The following ADAM7 variants were observed in gnomAD, a reference collection of about 807,000 sequenced individuals.
The protein encoded by ADAM7 is ADAM metallopeptidase domain 7.
ADAM7 carries 97 observed loss-of-function variants against 102.9 expected under a neutral mutation model. The ratio of observed to expected loss-of-function variants is 0.94; its 90% CI spans 0.80 to 1.12. ADAM7 has a LOEUF of 1.12. Among genes scored for constraint, ADAM7 ranks in the 50% most tolerant of loss-of-function variants. The pLI, the probability that ADAM7 is intolerant of heterozygous loss-of-function variation, is 0.00. For missense variants in ADAM7, 991 were observed against 908.7 expected (o/e 1.09, Z -1.16); for synonymous variants, 334 against 304.4 (o/e 1.10, Z -1.01).
intron 12 of ADAM7, 60 bp from the exon 13 acceptor site, chr8:24,490,739 C>G: frequency 1.3e-6 from 2 of 1,518,004 alleles, no homozygotes; most frequent in Non-Finnish European, 1.8e-6. Flanking sequence ...CTAATTAATT[C>G]TTCAAACAGG....
intron 6 of ADAM7, among the ~76,000 whole-genome samples, chr8:24,467,827 G>A (rs1251953007): frequency 6.6e-6 from 1 of 152,130 alleles, no homozygotes; most frequent in Non-Finnish European, 1.5e-5. Flanking sequence ...CACTTTGGGA[G>A]GCTGAGGCGG....
chr8:24,505,278 A>G (rs1171000916), intron 20 of ADAM7, among the ~76,000 whole-genome samples: 1 of 152,130 alleles, frequency 6.6e-6, no homozygotes, highest in African/African-American at 2.4e-5. Flanking sequence ...CGTAGGACAT[A>G]TTTGTTATGA....
chr8:24,482,441 T>C, intron 9 of ADAM7, 130 bp downstream of exon 9: 2 of 900,870 alleles, frequency 2.2e-6, no homozygotes, highest in Non-Finnish European at 3.4e-6. Flanking sequence ...CAAAATGTTA[T>C]TTGTAGCTAC....
At chr8:24,458,676 C>T (rs1413594479) in intron 3 of ADAM7, among the ~76,000 whole-genome samples, 1 of 151,966 alleles carries the variant, frequency 6.6e-6, no homozygotes, top group African/African-American at 2.4e-5. Context: ...TGGCTAGGAC[C>T]TTCATTACAA....
chr8:24,466,785 C>T lies in ADAM7; in HGVS notation c.390-14C>T, dbSNP rs1819440487. 1 of 1,605,556 alleles carries T rather than the reference C, an allele frequency of 6.2e-7. No individual in the cohort carries two copies. Among genetic ancestry groups the T allele is most frequent in the South Asian group, 1.1e-5 (1 of 89,310 alleles). The stretch of plus-strand genomic sequence containing the variant: ...ATAGGCCTTGAATACAAATTGTGTT[C>T]CCAATTTCTACAGGGGATTCTTCAG... On this transcript the variant is annotated splice_polypyrimidine_tract_variant and intron_variant, in intron 5 of 21. Coordinates refer to ENST00000175238, the MANE Select transcript of ADAM7 (RefSeq NM_003817.4).
At chr8:24,492,135 G>T in intron 14 of ADAM7, 37 bp downstream of exon 14, 3 of 1,578,814 alleles carry the variant, frequency 1.9e-6, no homozygotes, top group Non-Finnish European at 2.6e-6. Context: ...CACACAGATG[G>T]TGGCCTCTAT....
At position 24,507,517 on chromosome 8, in the gene ADAM7, C is replaced by A; in HGVS notation, c.2246C>A (p.Pro749His). 3 of 1,612,624 alleles carry A rather than the reference C, an allele frequency of 1.9e-6. No homozygotes were observed. Among genetic ancestry groups the A allele is most frequent in the South Asian group, 1.1e-5 (1 of 91,036 alleles). ...AAAGATTCAAGAGGAATCGCAGATC[C>A]CAATCAAAGTGCCAAGTGGTAGGTT... ...ASKDSRGIADPNQSAK is the reference protein window; with the variant it reads ...ASKDSRGIADHNQSAK Residue 749 changes from proline (P) to histidine (H), a missense_variant, in exon 21 of 22, where the codon CCC becomes CAC. Transcript: ENST00000175238.
At chr8:24,443,139 T>C (rs1818431402) in intron 2 of ADAM7, among the ~76,000 whole-genome samples, 1 of 152,214 alleles carries the variant, frequency 6.6e-6, no homozygotes. Flanking sequence ...TCCACTGTTA[T>C]AAAAGACATT....
At chr8:24,462,396 G>A (rs1238305752) in intron 3 of ADAM7, among the ~76,000 whole-genome samples, 1 of 152,136 alleles carries the variant, frequency 6.6e-6, no homozygotes, top group Non-Finnish European at 1.5e-5. Flanking sequence ...TTTCAAATAA[G>A]AACAACTGTG....
intron 3 of ADAM7, among the ~76,000 whole-genome samples, chr8:24,450,441 G>A (rs1563373146): frequency 6.6e-6 from 1 of 151,898 alleles, no homozygotes; most frequent in Admixed American, 6.5e-5. Context: ...TCATGATTTG[G>A]CTCTCTGTTT....
At chr8:24,492,967 G>A (rs1423313980) in intron 15 of ADAM7, 76 bp from the exon 16 acceptor site, 11 of 1,394,650 alleles carry the variant, frequency 7.9e-6, no homozygotes, top group South Asian at 3.1e-5. Context: ...AAGAGTGACC[G>A]GGAGGCTCCA....
chr8:24,460,420 G>A (rs1222341653), intron 3 of ADAM7, among the ~76,000 whole-genome samples: 3 of 151,792 alleles, frequency 2.0e-5, no homozygotes, highest in Admixed American at 1.3e-4. Flanking sequence ...GTTATGATTG[G>A]CATGGTTGGA....
chr8:24,506,157 G>A (rs111958351), intron 20 of ADAM7: 5 of 1,548,326 alleles, frequency 3.2e-6, no homozygotes, highest in Non-Finnish European at 4.4e-6. Flanking sequence ...CATCACACTG[G>A]TACGTTCCCC....
Position 24,506,753 on chromosome 8 carries a change from GCACACACACACA to G in ADAM7, c.2209-700_2209-689del, listed in dbSNP as rs71549838. Among the ~76,000 whole-genome samples the G allele has an allele frequency of 1.3e-3, 181 of 144,292 alleles. 6 individuals carry two copies. The East Asian group carries it at 0.024, about 19-fold the overall frequency. 94.7% of individuals were successfully genotyped at this position (144,292 alleles called of 152,430 possible). A position where few individuals can be genotyped will look rare whatever the true frequency, so the allele number is the denominator to read the frequency against. Reference sequence around the variant, plus strand: ...CACATGCATTAGAGACTGAGTCAAAGCACACACACACACACACACACACACACACACACACAC... The same window carrying G: ...CACATGCATTAGAGACTGAGTCAAAGCACACACACACACACACACACACAC... On this transcript the variant is annotated intron_variant, in intron 20 of 21. Coordinates refer to ENST00000175238, the MANE Select transcript of ADAM7 (RefSeq NM_003817.4).
chr8:24,454,509 G>C (rs981043062), intron 3 of ADAM7, among the ~76,000 whole-genome samples: 2 of 152,198 alleles, frequency 1.3e-5, no homozygotes, highest in Non-Finnish European at 2.9e-5. Flanking sequence ...CGTCGGAAAA[G>C]TGCAGTATTA....
chr8:24,446,201 A>G (rs1010630723), intron 2 of ADAM7, among the ~76,000 whole-genome samples: 1 of 152,226 alleles, frequency 6.6e-6, no homozygotes, highest in Non-Finnish European at 1.5e-5. Context: ...GCATGAAGAA[A>G]TAAAATACCA....
At chr8:24,478,835 A>G (rs1284235832) in intron 8 of ADAM7, among the ~76,000 whole-genome samples, 2 of 152,164 alleles carry the variant, frequency 1.3e-5, no homozygotes, top group African/African-American at 4.8e-5. Context: ...TGTATAGGAT[A>G]GTAGAGTCTA....
intron 3 of ADAM7, among the ~76,000 whole-genome samples, chr8:24,456,018 T>G (rs1284918981): frequency 1.3e-5 from 2 of 152,166 alleles, no homozygotes; most frequent in Non-Finnish European, 2.9e-5. Flanking sequence ...TTACTCTCAC[T>G]ATTATTAAGT....
intron 13 of ADAM7, among the ~76,000 whole-genome samples, chr8:24,491,347 T>C (rs1053106208): frequency 4.6e-5 from 7 of 152,204 alleles, no homozygotes; most frequent in African/African-American, 1.7e-4. Flanking sequence ...CTCAACTTTA[T>C]TGTGAATTCA....
Sources: gnomAD v4.1 joint callset for allele counts (sites outside exome capture counted in the v4.1 genomes callset) on GRCh38, gnomAD v4.1.1 for gene constraint, MANE v1.5 for transcripts, NCBI Gene and HGNC (gene_info 2026-07-23, HGNC 2026-07-21) for gene names.